Variants in MTAP observed in about 807,000 individuals in gnomAD.
The protein encoded by MTAP is S-methyl-5'-thioadenosine phosphorylase.
A neutral mutation model predicts 33.6 loss-of-function variants in MTAP; 33 were observed. The ratio of observed to expected loss-of-function variants is 0.98; its 90% confidence interval spans 0.74 to 1.31. MTAP has a LOEUF of 1.31. MTAP is among the 40% of genes most tolerant of loss of function. The probability of loss-of-function intolerance (pLI) is 0.00; values close to 1 mark genes in which losing one functional copy is unlikely to be tolerated. For missense variants in MTAP, 367 were observed against 360.0 expected (o/e 1.02, Z -0.16); for synonymous variants, 148 against 125.7 (o/e 1.18, Z -1.19).
intron 1 of MTAP, among the ~76,000 whole-genome samples, chr9:21,894,462 A>G (rs1818255042): frequency 6.6e-6 from 1 of 151,934 alleles, no homozygotes; most frequent in Non-Finnish European, 1.5e-5. Flanking sequence ...GAAGTCAACT[A>G]TCTCTCTTCA....
At chr9:21,937,251 A>C (rs896373155) in exon 8 of MTAP, 7 of 152,198 alleles carry the variant, frequency 4.6e-5, no homozygotes, top group African/African-American at 1.7e-4. Context: ...AGGCAGGAGA[A>C]TCGCATGAAC....
chr9:21,839,885 A>G (rs1563841911), intron 5 of MTAP, among the ~76,000 whole-genome samples: 1 of 152,230 alleles, frequency 6.6e-6, no homozygotes, highest in Non-Finnish European at 1.5e-5. Context: ...ATATTTTTGG[A>G]AAGTTAACAA....
At chr9:21,809,368 G>C (rs372480472) in intron 1 of MTAP, among the ~76,000 whole-genome samples, 1 of 152,114 alleles carries the variant, frequency 6.6e-6, no homozygotes, top group African/African-American at 2.4e-5. Flanking sequence ...GGCCGGGCGC[G>C]GTGGCTCATG....
chr9:21,936,807 G>A (rs983025925), exon 8 of MTAP: 2 of 151,954 alleles, frequency 1.3e-5, no homozygotes, highest in Admixed American at 1.3e-4. Flanking sequence ...AAAATAATAA[G>A]GGAGATAACT....
chr9:21,808,441 A>T (rs1824262371), intron 1 of MTAP, among the ~76,000 whole-genome samples: 1 of 151,658 alleles, frequency 6.6e-6, no homozygotes, highest in African/African-American at 2.4e-5. Flanking sequence ...AAACAAAAAA[A>T]TTAGCCAGGC....
At chr9:21,813,533 A>G (rs1303234381) in intron 1 of MTAP, among the ~76,000 whole-genome samples, 3 of 152,218 alleles carry the variant, frequency 2.0e-5, no homozygotes, top group Admixed American at 2.0e-4. Flanking sequence ...AACTGCTACA[A>G]TGCTGGGCAA....
intron 1 of MTAP, among the ~76,000 whole-genome samples, chr9:21,900,848 A>T (rs1463881964): frequency 6.6e-6 from 1 of 152,218 alleles, no homozygotes; most frequent in Non-Finnish European, 1.5e-5. Context: ...GAGAAAGAAC[A>T]AAATAATGTC....
At chr9:21,885,612 A>G (rs369628365) in intron 1 of MTAP, among the ~76,000 whole-genome samples, 1 of 152,082 alleles carries the variant, frequency 6.6e-6, no homozygotes, top group Non-Finnish European at 1.5e-5. Flanking sequence ...AATTCATTAT[A>G]TCATTCTTGT....
intron 1 of MTAP, among the ~76,000 whole-genome samples, chr9:21,888,664 A>AT (rs1249193599): frequency 6.6e-6 from 1 of 152,008 alleles, no homozygotes; most frequent in African/African-American, 2.4e-5. Flanking sequence ...ATCCATTTGC[A>AT]TGGAATATCT....
chr9:21,871,161 TC>T (rs1466729437), downstream of MTAP, among the ~76,000 whole-genome samples: 7 of 152,184 alleles, frequency 4.6e-5, no homozygotes, highest in Non-Finnish European at 8.8e-5. Context: ...CCTAAGTTGT[TC>T]CAGTGATTTT....
At chr9:21,901,687 A>G (rs1018719608) in intron 1 of MTAP, among the ~76,000 whole-genome samples, 38 of 152,190 alleles carry the variant, frequency 2.5e-4, no homozygotes, top group African/African-American at 8.2e-4. Flanking sequence ...GGGCAAAGGA[A>G]AACAACTGAG....
At chr9:21,887,383 T>A (rs1818129211) in intron 1 of MTAP, among the ~76,000 whole-genome samples, 4 of 152,044 alleles carry the variant, frequency 2.6e-5, no homozygotes, top group African/African-American at 4.8e-5. Flanking sequence ...GCCCTTCCAA[T>A]AGTTTGCTGA....
At chr9:21,811,705 G>A (rs1196727368) in intron 1 of MTAP, 6 of 531,994 alleles carry the variant, frequency 1.1e-5, no homozygotes, top group African/African-American at 3.8e-5. Flanking sequence ...ACACCAGGTC[G>A]TTCATGTTGC....
chr9:21,925,912 G>C (rs1818862121), intron 1 of MTAP, among the ~76,000 whole-genome samples: 1 of 152,138 alleles, frequency 6.6e-6, no homozygotes, highest in South Asian at 2.1e-4. Context: ...GGTTAAATTG[G>C]GTGCCCATAA....
chr9:21,897,146 T>A (rs540907783), intron 1 of MTAP, among the ~76,000 whole-genome samples: 2 of 152,172 alleles, frequency 1.3e-5, no homozygotes, highest in Non-Finnish European at 2.9e-5. Flanking sequence ...ATTATCTCAA[T>A]AGATGCAGAA....
intron 1 of MTAP, among the ~76,000 whole-genome samples, chr9:21,899,023 C>T (rs1489495972): frequency 1.3e-5 from 2 of 151,952 alleles, no homozygotes; most frequent in East Asian, 3.9e-4. Context: ...GAAAATGTGG[C>T]ACATATACAC....
At chr9:21,823,463 A>G (rs1824701486) in intron 4 of MTAP, among the ~76,000 whole-genome samples, 1 of 152,138 alleles carries the variant, frequency 6.6e-6, no homozygotes, top group Non-Finnish European at 1.5e-5. Context: ...TGGCTTGTAG[A>G]GTTTCTGCCG....
At chr9:21,825,870 A>T (rs1471621704) in intron 4 of MTAP, among the ~76,000 whole-genome samples, 4 of 152,056 alleles carry the variant, frequency 2.6e-5, no homozygotes, top group Non-Finnish European at 5.9e-5. Flanking sequence ...TGTGGTTTTT[A>T]TTTGCATTTT....
At position 21,865,101 on chromosome 9, in the gene MTAP, A is replaced by G. The variant is rs1825831343; in HGVS notation, c.*3087A>G. ...AAGGTTTGGCGGTGTCCCCACCCAA[A>G]TCTCATGTTGAATTGTAGTTCCCAT... On this transcript the variant is annotated 3_prime_UTR_variant, in exon 8 of 8. Coordinates refer to ENST00000644715, the MANE Select transcript of MTAP (RefSeq NM_002451.4). 1.0e-6 allele frequency: 1 copy of G among 985,028 alleles called. No individual in the cohort carries two copies. The highest frequency in any genetic ancestry group is 6.1e-5 in the Admixed American group (1 of 16,284). 61.0% of individuals were successfully genotyped at this position (985,028 alleles called of 1,614,324 possible).
Sources: gnomAD v4.1 joint callset for allele counts (sites outside exome capture counted in the v4.1 genomes callset) on GRCh38, gnomAD v4.1.1 for gene constraint, MANE v1.5 for transcripts, NCBI Gene and HGNC (gene_info 2026-07-23, HGNC 2026-07-21) for gene names.